CNNM1: variants seen among roughly 807,000 people sequenced by gnomAD.
The protein encoded by CNNM1 is cyclin and CBS domain divalent metal cation transport mediator 1.
CNNM1 carries 44 observed loss-of-function variants against 78.8 expected under a neutral mutation model. That is an observed-to-expected ratio of 0.56 (90% confidence interval 0.44 to 0.72). CNNM1 has a LOEUF of 0.72. CNNM1 is among the 30% of genes least tolerant of loss of function. The pLI, the probability that CNNM1 is intolerant of heterozygous loss-of-function variation, is 0.00. For missense variants in CNNM1, 1,101 were observed against 1,292.2 expected (o/e 0.85, Z 2.27); for synonymous variants, 584 against 581.5 (o/e 1.00, Z -0.06).
chr10:99,392,536 C>G lies in CNNM1; in HGVS notation c.*1020C>G, dbSNP rs936155573. 1.3e-5 allele frequency: 2 copies of G among 152,536 alleles called. No homozygotes were observed. The highest frequency in any genetic ancestry group is 2.4e-5 in the African/African-American group (1 of 41,410). 9.4% of individuals were successfully genotyped at this position (152,536 alleles called of 1,614,324 possible). A position where few individuals can be genotyped will look rare whatever the true frequency, so the allele number is the denominator to read the frequency against. ...TCATGCATTTGTCCTTCTCCCACCC[C>G]CTTACTACACCCTAGCAGATCAGCT... On this transcript the variant is annotated 3_prime_UTR_variant, in exon 11 of 11. Transcript: ENST00000356713.
chr10:99,386,268 G>A (rs2032301878), intron 7 of CNNM1, among the ~76,000 whole-genome samples: 1 of 152,174 alleles, frequency 6.6e-6, no homozygotes, highest in South Asian at 2.1e-4. Context: ...TCTTAAGTCA[G>A]CAGTTCTCAA....
chr10:99,335,535 C>A (rs2030135598), intron 1 of CNNM1, among the ~76,000 whole-genome samples: 1 of 152,096 alleles, frequency 6.6e-6, no homozygotes, highest in Non-Finnish European at 1.5e-5. Flanking sequence ...GTGAGGTGAA[C>A]CCTAAGTACG....
At chr10:99,336,942 A>C (rs1271992394) in intron 1 of CNNM1, among the ~76,000 whole-genome samples, 1 of 152,206 alleles carries the variant, frequency 6.6e-6, no homozygotes, top group Non-Finnish European at 1.5e-5. Flanking sequence ...CCCTGTCTCA[A>C]AAAAAGAACA....
At chr10:99,353,677 G>C (rs1055598505) in intron 1 of CNNM1, among the ~76,000 whole-genome samples, 1 of 152,136 alleles carries the variant, frequency 6.6e-6, no homozygotes, top group Non-Finnish European at 1.5e-5. Flanking sequence ...GTGTCAACTC[G>C]GAATAAGGAT....
intron 2 of CNNM1, among the ~76,000 whole-genome samples, chr10:99,357,989 TTTCTGTCCCCTGTG>T: frequency 6.6e-6 from 1 of 152,302 alleles, no homozygotes; most frequent in East Asian, 1.9e-4. Context: ...TCTGCCCTTG[TTTCTGTCCCCTGTG>T]TTCTTGTTTG....
intron 6 of CNNM1, among the ~76,000 whole-genome samples, chr10:99,376,704 G>A (rs1336285538): frequency 6.6e-6 from 1 of 152,176 alleles, no homozygotes; most frequent in Non-Finnish European, 1.5e-5. Context: ...CTGAAGACAA[G>A]AACCAAGGAA....
At chr10:99,362,012 CA>C (rs1230317539) in intron 3 of CNNM1, among the ~76,000 whole-genome samples, 1 of 152,196 alleles carries the variant, frequency 6.6e-6, no homozygotes, top group African/African-American at 2.4e-5. Flanking sequence ...TGCAGGGACA[CA>C]CATCTCCAGA....
intron 7 of CNNM1, chr10:99,377,448 A>T (rs147204398): frequency 5.2e-5 from 18 of 343,244 alleles, no homozygotes; most frequent in African/African-American, 3.4e-4. Flanking sequence ...CCCTTTTTTC[A>T]TGTGGGGAAA....
chr10:99,329,366 G>A lies in CNNM1; in HGVS notation c.-22G>A. 1.7e-6 allele frequency: 1 copy of A among 590,924 alleles called. No individual in the cohort carries two copies. The highest frequency in any genetic ancestry group is 2.8e-6 in the Non-Finnish European group (1 of 359,124). The allele number at this position is 590,924 out of a possible 1,614,324, so 36.6% of individuals were successfully genotyped here. A position where few individuals can be genotyped will look rare whatever the true frequency, so the allele number is the denominator to read the frequency against. ...CTCGCTCGGCTTCCTGCAGTATCAC[G>A]TGCAGCTGCGCTGGGTGCAGGATGG... On this transcript the variant is annotated 5_prime_UTR_variant, in exon 1 of 11. In the 5' UTR this introduces an upstream ATG that the reference lacks. Transcript: ENST00000356713.
intron 6 of CNNM1, 130 bp downstream of exon 6, chr10:99,365,132 G>A: frequency 2.3e-6 from 2 of 883,702 alleles, no homozygotes; most frequent in East Asian, 2.6e-5. Context: ...CCTTTGTAAT[G>A]TTCTGCCAGG....
intron 1 of CNNM1, among the ~76,000 whole-genome samples, chr10:99,350,309 A>G (rs2030892498): frequency 6.6e-6 from 1 of 152,234 alleles, no homozygotes; most frequent in Admixed American, 6.5e-5. Flanking sequence ...CAGAAACCAT[A>G]AAACCATAAA....
chr10:99,394,312 G>A lies in CNNM1; in HGVS notation c.*2796G>A, dbSNP rs2032559628. 6.6e-6 allele frequency: 1 copy of A among 152,174 alleles called. No individual in the cohort carries two copies. Among genetic ancestry groups the A allele is most frequent in the Non-Finnish European group, 1.5e-5 (1 of 68,028 alleles). The allele number at this position is 152,174 out of a possible 1,614,324, so 9.4% of individuals were successfully genotyped here. ...ATTGTAAATAATTTTTAAATAAAAT[G>A]AAAATGCCTTTCCTGGAATGTGGCT... On this transcript the variant is annotated 3_prime_UTR_variant, in exon 11 of 11. Coordinates refer to ENST00000356713, the MANE Select transcript of CNNM1 (RefSeq NM_020348.3).
rs771502721 is a variant in CNNM1 at position 99,330,096 on chromosome 10, G to A, written c.709G>A (p.Ala237Thr). The A allele has an allele frequency of 6.5e-7, 1 of 1,547,532 alleles. No homozygotes were observed. The highest frequency in any genetic ancestry group is 2.4e-5 in the East Asian group (1 of 41,398). Residue 237 changes from alanine (A) to threonine (T), a missense_variant, in exon 1 of 11, where the codon GCC (alanine) becomes ACC (threonine). Transcript: ENST00000356713. ...LGALLLLALS[A>T]LFSGLRLSLL... ...GGCGCTCCTGCTGCTAGCCTTGTCG[G>A]CCCTGTTCAGCGGCCTGCGCCTGAG...
rs776597958 is a variant in CNNM1, at chr10:99,362,339, G to A, written c.1971G>A (p.Pro657=). Residue 657 remains proline (P), a synonymous_variant, in exon 4 of 11, where the codon CCG becomes CCA. Transcript: ENST00000356713. ...TTGATGAGAAGAACAAGAAGGCCCC[G>A]GAACACTACCTCTACCAGCGCAACC... is the stretch of plus-strand genomic sequence containing the variant. The part of the protein sequence containing the change: ...LKFDEKNKKA[P]EHYLYQRNRP... The A allele has an allele frequency of 6.6e-5, 106 of 1,613,848 alleles. No homozygotes were observed. The highest frequency in any genetic ancestry group is 8.3e-5 in the Non-Finnish European group (98 of 1,179,866).
intron 3 of CNNM1, 88 bp from the exon 4 acceptor site, chr10:99,362,138 GC>G: frequency 7.9e-7 from 1 of 1,262,088 alleles, no homozygotes; most frequent in Non-Finnish European, 1.1e-6. Flanking sequence ...TCCCAGTTGT[GC>G]CCACTCTGAC....
rs1197737999 is a variant in CNNM1, at chr10:99,330,088, C to T, written c.701C>T (p.Ala234Val). 4.5e-6 allele frequency: 7 copies of T among 1,539,004 alleles called. No homozygotes were observed. In the South Asian group the frequency reaches 7.1e-5, roughly 16 times the overall value. The change falls in exon 1 of 11, where the codon GCC becomes GTC. Residue 234 changes from alanine (A) to valine (V), a missense_variant. This residue lies in a region of CNNM1 where 476 missense variants were observed against 484.5 expected (regional missense o/e 0.98). Coordinates refer to ENST00000356713, the MANE Select transcript of CNNM1 (RefSeq NM_020348.3). The part of the protein sequence containing the change: ...LRALGALLLL[A>V]LSALFSGLRL... Reference sequence around the variant, plus strand: ...GCGCTCGGGGCGCTCCTGCTGCTAGCCTTGTCGGCCCTGTTCAGCGGCCTG... The same window carrying T: ...GCGCTCGGGGCGCTCCTGCTGCTAGTCTTGTCGGCCCTGTTCAGCGGCCTG...
In CNNM1 at chr10:99,377,061, G is replaced by A. The variant is rs780595016; in HGVS notation, c.2183G>A (p.Arg728Gln). 7.1e-5 allele frequency: 97 copies of A among 1,359,052 alleles called. 1 individual carries two copies. The Middle Eastern group carries it at 3.2e-3, about 45-fold the overall frequency. 84.2% of individuals were successfully genotyped at this position (1,359,052 alleles called of 1,614,324 possible). A position where few individuals can be genotyped will look rare whatever the true frequency, so the allele number is the denominator to read the frequency against. The stretch of plus-strand genomic sequence containing the variant: ...CATCTCTCACCATCTGCAGTAAACC[G>A]GTCCCCTTCTCGCTGCAGTGGGTTG... ...SLAGSSVFLNRSPSRCSGLNR... is the reference protein window; with the variant it reads ...SLAGSSVFLNQSPSRCSGLNR... The change falls in exon 7 of 11, where the codon CGG becomes CAG. Residue 728 changes from arginine (R) to glutamine (Q), a missense_variant. Physicochemically the swap from Arg to Gln is conservative, Grantham distance 43. This residue lies in a region of CNNM1 where 348 missense variants were observed against 384.5 expected (regional missense o/e 0.90). Coordinates refer to ENST00000356713, the MANE Select transcript of CNNM1 (RefSeq NM_020348.3).
At chr10:99,373,351 T>C (rs1468692773) in intron 6 of CNNM1, among the ~76,000 whole-genome samples, 6 of 152,202 alleles carry the variant, frequency 3.9e-5, no homozygotes, top group Admixed American at 3.9e-4. Flanking sequence ...CCCTTGGTTA[T>C]GTCCAAACTG....
At chr10:99,367,125 G>A (rs1020500002) in intron 6 of CNNM1, among the ~76,000 whole-genome samples, 39 of 152,110 alleles carry the variant, frequency 2.6e-4, no homozygotes, top group African/African-American at 8.5e-4. Flanking sequence ...CAGTTATCCC[G>A]GGTGAATGCT....
Sources: gnomAD v4.1 joint callset for allele counts (sites outside exome capture counted in the v4.1 genomes callset) on GRCh38, gnomAD v4.1.1 for gene constraint, gnomAD v4.1.1 regional missense constraint, MANE v1.5 for transcripts, NCBI Gene and HGNC (gene_info 2026-07-23, HGNC 2026-07-21) for gene names.